The following SPTLC3 variants were observed in gnomAD, a reference collection of about 807,000 sequenced individuals.
The protein encoded by SPTLC3 is serine palmitoyltransferase long chain base subunit 3, also known as serine palmitoyltransferase 3.
A neutral mutation model predicts 59.3 loss-of-function variants in SPTLC3; 36 were observed. That is an observed-to-expected ratio of 0.61 (90% CI 0.47 to 0.80). The LOEUF is 0.80. SPTLC3 is among the 30% of genes least tolerant of loss of function. SPTLC3 has a pLI of 0.00. For missense variants in SPTLC3, 625 were observed against 685.1 expected, an observed-to-expected ratio of 0.91 and a Z score of 0.98; for synonymous variants, 257 against 240.8, an observed-to-expected ratio of 1.07 and a Z score of -0.62.
intron 6 of SPTLC3, among the ~76,000 whole-genome samples, chr20:13,102,913 C>G (rs554154117): frequency 1.2e-4 from 19 of 152,152 alleles, no homozygotes; most frequent in African/African-American, 3.9e-4. Flanking sequence ...GCAATTACCC[C>G]CTCCCCCTGC....
At chr20:13,071,768 G>C (rs1255938830) in intron 2 of SPTLC3, among the ~76,000 whole-genome samples, 1 of 152,080 alleles carries the variant, frequency 6.6e-6, no homozygotes, top group Non-Finnish European at 1.5e-5. Context: ...CTGCCTCCAC[G>C]AGCTCCTCTG....
At chr20:13,032,108 G>A (rs1041763641) in intron 1 of SPTLC3, among the ~76,000 whole-genome samples, 2 of 152,186 alleles carry the variant, frequency 1.3e-5, no homozygotes, top group Non-Finnish European at 2.9e-5. Flanking sequence ...GGTCAAGAAC[G>A]TGGTAGTTAT....
At chr20:13,017,817 G>T (rs1392081601) in intron 1 of SPTLC3, among the ~76,000 whole-genome samples, 1 of 152,110 alleles carries the variant, frequency 6.6e-6, no homozygotes, top group Admixed American at 6.6e-5. Context: ...TTGAACCTGG[G>T]CTAGACCTAA....
At chr20:13,131,515 T>G (rs1201480093) in intron 9 of SPTLC3, among the ~76,000 whole-genome samples, 1 of 152,250 alleles carries the variant, frequency 6.6e-6, no homozygotes, top group Non-Finnish European at 1.5e-5. Context: ...TCAACACATC[T>G]GCTTTATTCC....
intron 2 of SPTLC3, among the ~76,000 whole-genome samples, chr20:13,067,587 G>A (rs1056858005): frequency 6.6e-6 from 1 of 151,930 alleles, no homozygotes; most frequent in African/African-American, 2.4e-5. Flanking sequence ...GTTTTTCCAT[G>A]GAACTTTTAG....
At chr20:13,017,729 C>A (rs1441567589) in intron 1 of SPTLC3, among the ~76,000 whole-genome samples, 2 of 152,154 alleles carry the variant, frequency 1.3e-5, no homozygotes, top group East Asian at 1.9e-4. Context: ...AGATTGGACA[C>A]TCCTGCAGCA....
chr20:13,034,586 T>C (rs923199161), intron 1 of SPTLC3, among the ~76,000 whole-genome samples: 3 of 152,212 alleles, frequency 2.0e-5, no homozygotes, highest in East Asian at 3.9e-4. Flanking sequence ...CCAGAAATTA[T>C]ATTTGCAGAG....
At chr20:13,091,504 T>A (rs1989217811) in intron 5 of SPTLC3, among the ~76,000 whole-genome samples, 1 of 149,784 alleles carries the variant, frequency 6.7e-6, no homozygotes, top group Non-Finnish European at 1.5e-5. Context: ...ACCCAGGAAG[T>A]GGAGGTTGCA....
chr20:13,053,902 A>C (rs917604385), intron 2 of SPTLC3, among the ~76,000 whole-genome samples: 3 of 152,154 alleles, frequency 2.0e-5, no homozygotes, highest in Non-Finnish European at 4.4e-5. Context: ...AAAAGACCAA[A>C]CCTACATTTG....
chr20:13,039,254 CTCTATT>C (rs1986870642), intron 1 of SPTLC3, among the ~76,000 whole-genome samples: 2 of 146,944 alleles, frequency 1.4e-5, no homozygotes, highest in South Asian at 2.1e-4. Context: ...AAATTTTCTA[CTCTATT>C]TCTATCAGTT....
intron 1 of SPTLC3, among the ~76,000 whole-genome samples, chr20:13,018,198 G>C (rs1175561314): frequency 6.6e-6 from 1 of 152,126 alleles, no homozygotes; most frequent in African/African-American, 2.4e-5. Context: ...TTTTAAGTTT[G>C]CTGGTGGCTT....
At chr20:13,112,480 C>G (rs1990288104) in intron 7 of SPTLC3, among the ~76,000 whole-genome samples, 1 of 152,178 alleles carries the variant, frequency 6.6e-6, no homozygotes, top group African/African-American at 2.4e-5. Flanking sequence ...GAGGCCAGCC[C>G]CGATTCAAAA....
chr20:13,152,353 C>T (rs1439137450), intron 9 of SPTLC3, among the ~76,000 whole-genome samples: 1 of 152,134 alleles, frequency 6.6e-6, no homozygotes, highest in Non-Finnish European at 1.5e-5. Flanking sequence ...GCTACCTGAT[C>T]CAATTAGTAG....
At chr20:13,122,835 C>T (rs968833232) in intron 8 of SPTLC3, among the ~76,000 whole-genome samples, 3 of 152,122 alleles carry the variant, frequency 2.0e-5, no homozygotes, top group African/African-American at 7.2e-5. Context: ...GCCACCCCTC[C>T]CCATAAGGAT....
intron 8 of SPTLC3, among the ~76,000 whole-genome samples, chr20:13,125,108 G>A (rs1033974855): frequency 3.3e-5 from 5 of 152,152 alleles, no homozygotes; most frequent in African/African-American, 9.7e-5. Context: ...CTGTATAGGT[G>A]GGCTGATGGA....
In SPTLC3 at chr20:13,009,376, G is replaced by A. The variant is rs112329671; in HGVS notation, c.109G>A (p.Glu37Lys). 474 of 1,613,846 alleles carry A rather than the reference G, an allele frequency of 2.9e-4. 2 individuals are homozygous for A. In the African/African-American group the frequency reaches 5.6e-3, roughly 19 times the overall value. The change falls in exon 1 of 12, where the codon GAA (glutamate) becomes AAA (lysine). Residue 37 changes from glutamate to lysine, a missense_variant. Transcript: ENST00000399002. ...CTGCACAAAGAATGGAATAGTGAAGGAAGCCCAGGTAAGAGGCACTCTCCC... is the reference window on the plus strand; with the variant it reads ...CTGCACAAAGAATGGAATAGTGAAGAAAGCCCAGGTAAGAGGCACTCTCCC... ...RNCTKNGIVK[E>K]AQQNGKPHFY...
chr20:13,074,229 C>A (rs1988556418), intron 3 of SPTLC3, 120 bp from the exon 4 acceptor site: 1 of 1,270,504 alleles, frequency 7.9e-7, no homozygotes, highest in Non-Finnish European at 1.1e-6. Context: ...GAGCTGCCAT[C>A]TCCTTGGTCA....
chr20:13,058,323 C>T (rs188017250), intron 2 of SPTLC3, among the ~76,000 whole-genome samples: 4 of 152,150 alleles, frequency 2.6e-5, no homozygotes, highest in African/African-American at 7.2e-5. Flanking sequence ...TGGTCTTGTC[C>T]AAAACAGACA....
chr20:13,074,618 A>AT, intron 4 of SPTLC3, 121 bp downstream of exon 4: 1 of 1,136,376 alleles, frequency 8.8e-7, no homozygotes, highest in Admixed American at 2.7e-5. Flanking sequence ...AACTGCAGAA[A>AT]GAAAAAAAAG....
Sources: allele counts gnomAD v4.1 joint callset (sites outside exome capture counted in the v4.1 genomes callset), GRCh38; gene constraint gnomAD v4.1.1; transcripts MANE v1.5; gene names NCBI Gene and HGNC (gene_info 2026-07-23, HGNC 2026-07-21).